Variants in PTPRG observed in about 807,000 individuals in gnomAD.
The protein encoded by PTPRG is protein tyrosine phosphatase receptor type G.
Under a neutral mutation model 165.3 loss-of-function variants are expected in PTPRG, and 102 were observed. The ratio of observed to expected loss-of-function variants is 0.62; its 90% CI spans 0.53 to 0.73. PTPRG has a LOEUF of 0.73. Ranked by LOEUF, PTPRG falls within the 30% of genes least tolerant of loss-of-function variation. PTPRG has a pLI of 0.00. For missense variants in PTPRG, 1,866 were observed against 1,861.4 expected, an observed-to-expected ratio of 1.00 and a Z score of -0.05; for synonymous variants, 675 against 669.5, an observed-to-expected ratio of 1.01 and a Z score of -0.13.
intron 2 of PTPRG, among the ~76,000 whole-genome samples, chr3:61,910,176 A>G (rs1161559809): frequency 6.6e-6 from 1 of 152,190 alleles, no homozygotes; most frequent in Non-Finnish European, 1.5e-5. Flanking sequence ...TTGCTTTTGA[A>G]TGCTGTGTCC....
At chr3:61,921,905 C>T (rs781685385) in intron 2 of PTPRG, among the ~76,000 whole-genome samples, 3 of 152,176 alleles carry the variant, frequency 2.0e-5, no homozygotes, top group Admixed American at 6.5e-5. Flanking sequence ...CATGCCTTAA[C>T]ATTTGTACAT....
chr3:62,031,419 G>A (rs1699766207), intron 4 of PTPRG, among the ~76,000 whole-genome samples: 1 of 152,216 alleles, frequency 6.6e-6, no homozygotes, highest in Admixed American at 6.5e-5. Flanking sequence ...TGGCACATTT[G>A]CAGAAGTCTC....
At chr3:61,958,710 C>T (rs1490990599) in intron 2 of PTPRG, among the ~76,000 whole-genome samples, 1 of 152,182 alleles carries the variant, frequency 6.6e-6, no homozygotes, top group African/African-American at 2.4e-5. Context: ...TCTTATCTAT[C>T]TTTGCTTTCC....
chr3:61,750,579 T>G (rs2033388333), intron 2 of PTPRG: 1 of 152,128 alleles, frequency 6.6e-6, no homozygotes, highest in South Asian at 2.1e-4. Flanking sequence ...GGACTAATGG[T>G]TCAAATTCAA....
At chr3:62,287,901 C>T (rs1702730477) in intron 28 of PTPRG, among the ~76,000 whole-genome samples, 1 of 152,034 alleles carries the variant, frequency 6.6e-6, no homozygotes, top group African/African-American at 2.4e-5. Flanking sequence ...AAAACAGATA[C>T]CATACAAGGC....
At position 62,218,999 on chromosome 3, in the gene PTPRG, C is replaced by T; in HGVS notation, c.2288+16C>T. The T allele has an allele frequency of 6.2e-7, 1 of 1,612,826 alleles. No homozygotes were observed. The highest frequency in any genetic ancestry group is 8.5e-7 in the Non-Finnish European group (1 of 1,179,462). ...TTTACTGGAGGTAAGCCAGGCAGCA[C>T]CTACAGCGTAGATTTGGGGGCCAGA... On this transcript the variant is annotated intron_variant, in intron 13 of 29. Transcript: ENST00000474889.
At chr3:62,156,535 G>A (rs1423512453) in intron 6 of PTPRG, among the ~76,000 whole-genome samples, 1 of 152,184 alleles carries the variant, frequency 6.6e-6, no homozygotes, top group East Asian at 1.9e-4. Context: ...GGACTTGGGT[G>A]AAACCATAAT....
chr3:62,251,240 C>A (rs1185435546), intron 15 of PTPRG, among the ~76,000 whole-genome samples: 2 of 152,150 alleles, frequency 1.3e-5, no homozygotes, highest in Non-Finnish European at 2.9e-5. Context: ...AAAATATAAG[C>A]CAGGTGTGGT....
intron 1 of PTPRG, among the ~76,000 whole-genome samples, chr3:61,629,210 A>C (rs1262962115): frequency 6.6e-6 from 1 of 152,108 alleles, no homozygotes; most frequent in Non-Finnish European, 1.5e-5. Flanking sequence ...GCTGGAGTGC[A>C]ATGGCGCAAT....
At chr3:61,893,600 G>C (rs1286513828) in intron 2 of PTPRG, among the ~76,000 whole-genome samples, 1 of 152,052 alleles carries the variant, frequency 6.6e-6, no homozygotes, top group East Asian at 1.9e-4. Context: ...TACTTTTTTT[G>C]GTAAGACAGG....
chr3:62,000,627 A>G (rs1180162827), intron 3 of PTPRG, among the ~76,000 whole-genome samples: 1 of 152,234 alleles, frequency 6.6e-6, no homozygotes, highest in East Asian at 1.9e-4. Flanking sequence ...CAAAAAAAGT[A>G]AAATAAAAGA....
intron 1 of PTPRG, among the ~76,000 whole-genome samples, chr3:61,692,824 G>C (rs983368663): frequency 6.6e-6 from 1 of 152,176 alleles, no homozygotes; most frequent in African/African-American, 2.4e-5. Flanking sequence ...GGATGTGTAC[G>C]TGCAGGTCAC....
chr3:62,140,013 A>G (rs1038651472), intron 6 of PTPRG, among the ~76,000 whole-genome samples: 4 of 152,362 alleles, frequency 2.6e-5, no homozygotes, highest in Middle Eastern at 3.4e-3. Context: ...AGTTTCTACA[A>G]TAAAGAGTAA....
chr3:62,159,407 A>G (rs1704660574), intron 7 of PTPRG, among the ~76,000 whole-genome samples: 1 of 152,220 alleles, frequency 6.6e-6, no homozygotes, highest in Non-Finnish European at 1.5e-5. Flanking sequence ...ATTCCATGTA[A>G]GGAGAGGCAG....
At chr3:61,692,422 T>A (rs2030278926) in intron 1 of PTPRG, among the ~76,000 whole-genome samples, 1 of 152,208 alleles carries the variant, frequency 6.6e-6, no homozygotes, top group South Asian at 2.1e-4. Flanking sequence ...GTGGCACATG[T>A]TGTTTGGTAG....
intron 2 of PTPRG, among the ~76,000 whole-genome samples, chr3:61,752,533 C>T (rs912457520): frequency 2.6e-5 from 4 of 151,958 alleles, no homozygotes; most frequent in Non-Finnish European, 5.9e-5. Context: ...TGGCTCATGC[C>T]TCTGATCCCA....
intron 13 of PTPRG, among the ~76,000 whole-genome samples, chr3:62,221,446 G>T (rs1700649232): frequency 6.6e-6 from 1 of 152,088 alleles, no homozygotes; most frequent in South Asian, 2.1e-4. Flanking sequence ...AGCCTAGAGG[G>T]GACAAGGACC....
chr3:61,791,565 G>A (rs2034868177), intron 2 of PTPRG, among the ~76,000 whole-genome samples: 1 of 152,186 alleles, frequency 6.6e-6, no homozygotes, highest in South Asian at 2.1e-4. Flanking sequence ...TCGGGTAACT[G>A]CAACCTCTGC....
intron 2 of PTPRG, among the ~76,000 whole-genome samples, chr3:61,883,750 C>T (rs1271005772): frequency 6.6e-6 from 1 of 152,126 alleles, no homozygotes; most frequent in Non-Finnish European, 1.5e-5. Flanking sequence ...CACTCTGTCA[C>T]CCAGGCTGGT....
Sources: gnomAD v4.1 joint callset for allele counts (sites outside exome capture counted in the v4.1 genomes callset) on GRCh38, gnomAD v4.1.1 for gene constraint, MANE v1.5 for transcripts, NCBI Gene and HGNC (gene_info 2026-07-23, HGNC 2026-07-21) for gene names.